The following HDAC9 variants were observed in gnomAD, a reference collection of about 807,000 sequenced individuals.
The protein encoded by HDAC9 is histone deacetylase 9.
Under a neutral mutation model 139.4 loss-of-function variants are expected in HDAC9, and 41 were observed. That is an observed-to-expected ratio of 0.29 (90% CI 0.23 to 0.38). HDAC9 has a LOEUF of 0.38. Ranked by LOEUF, HDAC9 falls within the 10% of genes least tolerant of loss-of-function variation. The pLI, the probability that HDAC9 is intolerant of heterozygous loss-of-function variation, is 1.00. For synonymous variants in HDAC9, 517 were observed against 476.2 expected (o/e 1.09, Z -1.12); for missense variants, 1,147 against 1,297.0 (o/e 0.88, Z 1.78).
chr7:18,874,698 G>C, intron 22 of HDAC9, 102 bp downstream of exon 22: 1 of 673,386 alleles, frequency 1.5e-6, no homozygotes. Flanking sequence ...GTAAACTTGG[G>C]TGAGACATTT....
chr7:18,732,926 T>C (rs577569653), intron 13 of HDAC9, among the ~76,000 whole-genome samples: 7 of 115,048 alleles, frequency 6.1e-5, no homozygotes, highest in African/African-American at 1.7e-4. Context: ...TATACACACG[T>C]GTGTATGTAT....
intron 12 of HDAC9, among the ~76,000 whole-genome samples, chr7:18,685,145 C>T (rs1782175666): frequency 6.6e-6 from 1 of 151,998 alleles, no homozygotes; most frequent in Non-Finnish European, 1.5e-5. Context: ...TTGGAGTACA[C>T]TGAAATAAAA....
intron 1 of HDAC9, among the ~76,000 whole-genome samples, chr7:18,096,930 C>G (rs1360047264): frequency 4.0e-5 from 6 of 149,176 alleles, no homozygotes; most frequent in African/African-American, 1.5e-4. Flanking sequence ...TGTATTCGTA[C>G]TCTTTTAGAT....
At chr7:18,994,387 T>G (rs1430756008) in intron 25 of HDAC9, among the ~76,000 whole-genome samples, 1 of 152,234 alleles carries the variant, frequency 6.6e-6, no homozygotes, top group Non-Finnish European at 1.5e-5. Flanking sequence ...AAATCTTTCT[T>G]CTTTGAATGC....
chr7:18,141,135 G>C (rs1360414611), intron 1 of HDAC9, among the ~76,000 whole-genome samples: 1 of 152,136 alleles, frequency 6.6e-6, no homozygotes, highest in Non-Finnish European at 1.5e-5. Flanking sequence ...CTATTGTTCT[G>C]TAATGAGTGT....
intron 1 of HDAC9, among the ~76,000 whole-genome samples, chr7:18,359,907 C>T (rs1483554792): frequency 6.6e-6 from 1 of 152,196 alleles, no homozygotes; most frequent in African/African-American, 2.4e-5. Context: ...CCGTGCCTGG[C>T]CACTTCGGTG....
chr7:18,930,939 C>T (rs557803698), intron 22 of HDAC9, among the ~76,000 whole-genome samples: 21 of 152,160 alleles, frequency 1.4e-4, no homozygotes, highest in Admixed American at 3.3e-4. Flanking sequence ...AGATTTGGAT[C>T]GCTCTGTCTC....
intron 1 of HDAC9, among the ~76,000 whole-genome samples, chr7:18,100,815 C>A (rs140186513): frequency 1.3e-5 from 2 of 152,118 alleles, no homozygotes; most frequent in African/African-American, 4.8e-5. Context: ...TGCCAGACAT[C>A]GTGAATTGTA....
intron 2 of HDAC9, among the ~76,000 whole-genome samples, chr7:18,553,277 A>G (rs1308882135): frequency 6.6e-6 from 1 of 152,048 alleles, no homozygotes; most frequent in Non-Finnish European, 1.5e-5. Context: ...AACTGTGTTT[A>G]TTTGCCTGTG....
chr7:18,172,471 G>C (rs1302097474), intron 2 of HDAC9, among the ~76,000 whole-genome samples: 1 of 152,056 alleles, frequency 6.6e-6, no homozygotes, highest in African/African-American at 2.4e-5. Flanking sequence ...TCTGATCTTA[G>C]TTATTTCTTG....
At position 18,854,033 on chromosome 7, in the gene HDAC9, C is replaced by T. The variant is rs191086087; in HGVS notation, c.2684+18036C>T. Among the ~76,000 whole-genome samples, 35 of 152,178 alleles carry T rather than the reference C, an allele frequency of 2.3e-4. No individual in the cohort carries two copies. The East Asian group carries it at 6.0e-3, about 26-fold the overall frequency. On this transcript the variant is annotated intron_variant, in intron 21 of 25. Coordinates refer to ENST00000686413, the MANE Select transcript of HDAC9 (RefSeq NM_178425.4). ...GGAACATAGTGACATACTCTTAATT[C>T]CTCTAGTATAAATAAATAGACATCT...
Position 18,766,347 on chromosome 7 carries a change from TA to T in HDAC9, c.2165-755del, listed in dbSNP as rs745973278. On this transcript the variant is annotated intron_variant, in intron 15 of 25. Coordinates refer to ENST00000686413, the MANE Select transcript of HDAC9 (RefSeq NM_178425.4). ...TTCATGTAGTAGATAACGTAGAAAA[TA>T]AAAGTACAGGTAAACAAAATAATTA... Among the ~76,000 whole-genome samples, 6 of 152,114 alleles carry T rather than the reference TA, an allele frequency of 3.9e-5. No homozygotes were observed. In the East Asian group the frequency reaches 5.8e-4, roughly 15 times the overall value.
At chr7:18,103,188 A>G (rs1178136839) in intron 1 of HDAC9, among the ~76,000 whole-genome samples, 1 of 152,104 alleles carries the variant, frequency 6.6e-6, no homozygotes, top group Non-Finnish European at 1.5e-5. Flanking sequence ...CTACCATGGG[A>G]ACAGTATGGG....
intron 1 of HDAC9, among the ~76,000 whole-genome samples, chr7:18,128,268 CT>C (rs1784796446): frequency 6.6e-6 from 1 of 152,180 alleles, no homozygotes; most frequent in Non-Finnish European, 1.5e-5. Flanking sequence ...AGGACTTTAA[CT>C]GGGGCCTCAA....
chr7:18,134,971 T>C (rs1299845897), intron 1 of HDAC9, among the ~76,000 whole-genome samples: 2 of 152,228 alleles, frequency 1.3e-5, no homozygotes, highest in Non-Finnish European at 1.5e-5. Context: ...GAATATTCAC[T>C]ATAGATTTTC....
At chr7:18,705,052 T>C (rs1783778075) in intron 12 of HDAC9, among the ~76,000 whole-genome samples, 1 of 152,232 alleles carries the variant, frequency 6.6e-6, no homozygotes, top group African/African-American at 2.4e-5. Flanking sequence ...CAATAATATA[T>C]GATTTTTTAA....
intron 12 of HDAC9, among the ~76,000 whole-genome samples, chr7:18,687,641 C>T (rs767932580): frequency 6.6e-6 from 1 of 151,726 alleles, no homozygotes; most frequent in Non-Finnish European, 1.5e-5. Context: ...ATTATTTCAA[C>T]ATATCGAGAA....
intron 6 of HDAC9, among the ~76,000 whole-genome samples, chr7:18,620,666 G>C (rs1329078532): frequency 6.6e-6 from 1 of 152,126 alleles, no homozygotes; most frequent in Admixed American, 6.5e-5. Flanking sequence ...GAAAAGTGCT[G>C]CTCTTAGAGG....
At chr7:18,734,946 G>C (rs1033425369) in intron 13 of HDAC9, among the ~76,000 whole-genome samples, 3 of 152,182 alleles carry the variant, frequency 2.0e-5, no homozygotes, top group African/African-American at 7.2e-5. Flanking sequence ...GTGTGAAATG[G>C]TATCTCATTG....
Sources: gnomAD v4.1 joint callset for allele counts (sites outside exome capture counted in the v4.1 genomes callset) on GRCh38, gnomAD v4.1.1 for gene constraint, MANE v1.5 for transcripts, NCBI Gene and HGNC (gene_info 2026-07-23, HGNC 2026-07-21) for gene names.